Variants in IL10RB observed in about 807,000 individuals in gnomAD.
IL10RB encodes interleukin 10 receptor subunit beta, also known as interleukin-10 receptor subunit beta.
Under a neutral mutation model 38.7 loss-of-function variants are expected in IL10RB, and 30 were observed. The observed-to-expected ratio is 0.78, with a 90% CI of 0.58 to 1.05. The LOEUF is 1.05. Ranked by LOEUF, IL10RB falls within the 50% of genes least tolerant of loss-of-function variation. The pLI, the probability that IL10RB is intolerant of heterozygous loss-of-function variation, is 0.00. For synonymous variants in IL10RB, 142 were observed against 145.9 expected (o/e 0.97, Z 0.19); for missense variants, 328 against 397.1 (o/e 0.83, Z 1.48).
Position 33,268,398 on chromosome 21 carries a change from G to A in IL10RB, c.54G>A (p.Leu18=), listed in dbSNP as rs1336689090. 2 of 1,613,906 alleles carry A rather than the reference G, an allele frequency of 1.2e-6. No homozygotes were observed. Among genetic ancestry groups the A allele is most frequent in the Admixed American group, 1.7e-5 (1 of 60,030 alleles). Reference sequence around the variant, plus strand: ...GTTTTTGTCTTATTTTCATAGCATTGGGAATGGTACCACCTCCCGAAAATG... The same window carrying A: ...GTTTTTGTCTTATTTTCATAGCATTAGGAATGGTACCACCTCCCGAAAATG... The part of the protein sequence containing the change: ...WLGGCLLVSA[L]GMVPPPENVR... The change falls in exon 2 of 7, where the codon TTG becomes TTA. Residue 18 remains leucine, a synonymous_variant. Transcript: ENST00000290200.
intron 3 of IL10RB, among the ~76,000 whole-genome samples, chr21:33,277,849 T>G (rs1280884939): frequency 6.6e-6 from 1 of 150,778 alleles, no homozygotes; most frequent in African/African-American, 2.4e-5. Context: ...TTTTTTGTAT[T>G]TTTAGTAGAG....
At position 33,268,609 on chromosome 21, in the gene IL10RB, C is replaced by T; in HGVS notation, c.173+92C>T. 3.3e-6 allele frequency: 3 copies of T among 902,014 alleles called. No homozygotes were observed. In the East Asian group the frequency reaches 7.2e-5, roughly 22 times the overall value. The allele number at this position is 902,014 out of a possible 1,614,324, so 55.9% of individuals were successfully genotyped here. A position where few individuals can be genotyped will look rare whatever the true frequency, so the allele number is the denominator to read the frequency against. ...GGGCCACAGGAGGAAGGGAGTCTGA[C>T]TACGGTCACCGTGTGACTGTGACAA... On this transcript the variant is annotated intron_variant, in intron 2 of 6. Coordinates refer to ENST00000290200, the MANE Select transcript of IL10RB (RefSeq NM_000628.5).
At chr21:33,271,173 G>A (rs1989072590) in intron 2 of IL10RB, among the ~76,000 whole-genome samples, 1 of 152,126 alleles carries the variant, frequency 6.6e-6, no homozygotes, top group East Asian at 1.9e-4. Flanking sequence ...GTGTCCTTGG[G>A]GAAGATATTT....
intron 2 of IL10RB, among the ~76,000 whole-genome samples, chr21:33,269,175 A>T (rs1416857770): frequency 6.6e-6 from 1 of 152,210 alleles, no homozygotes; most frequent in Non-Finnish European, 1.5e-5. Flanking sequence ...GTGTCACCCT[A>T]GACGGTCATC....
chr21:33,306,833 T>C (rs887718116), intron 1 of IL10RB, among the ~76,000 whole-genome samples: 1 of 152,078 alleles, frequency 6.6e-6, no homozygotes, highest in East Asian at 1.9e-4. Context: ...CCCAACAACA[T>C]TGTTAGCTGT....
chr21:33,271,773 T>C (rs28385658), intron 2 of IL10RB, among the ~76,000 whole-genome samples: 11 of 151,992 alleles, frequency 7.2e-5, no homozygotes, highest in Non-Finnish European at 1.6e-4. Context: ...GCAAAACAAC[T>C]TTTGAAATAC....
chr21:33,272,907 G>C (rs1404891848), intron 2 of IL10RB, among the ~76,000 whole-genome samples: 1 of 152,196 alleles, frequency 6.6e-6, no homozygotes, highest in Non-Finnish European at 1.5e-5. Context: ...TTCACTTTCT[G>C]TCATGTTCCC....
chr21:33,266,754 G>A (rs1355787591), intron 1 of IL10RB, among the ~76,000 whole-genome samples: 2 of 152,162 alleles, frequency 1.3e-5, no homozygotes, highest in Admixed American at 6.5e-5. Context: ...CCTAAACTCA[G>A]GGGGAGACTC....
intron 5 of IL10RB, among the ~76,000 whole-genome samples, chr21:33,283,908 C>A (rs544355371): frequency 6.6e-6 from 1 of 152,282 alleles, no homozygotes; most frequent in African/African-American, 2.4e-5. Flanking sequence ...AAACAGCAGG[C>A]CTTCCTATAA....
At chr21:33,291,151 G>A (rs901941455) in intron 6 of IL10RB, among the ~76,000 whole-genome samples, 8 of 152,242 alleles carry the variant, frequency 5.3e-5, no homozygotes, top group East Asian at 1.9e-4. Flanking sequence ...CACCAGTCAC[G>A]GGAGGAGGGC....
In IL10RB at chr21:33,294,043, A is replaced by G. The variant is rs1272852771; in HGVS notation, c.805-2141A>G. On this transcript the variant is annotated intron_variant, in intron 6 of 6. Transcript: ENST00000290200. ...TGGTCAGACAGGAAAGAACAGACGG[A>G]ATGAACGGTAGAGGGGCCTGCTGGC... 1.3e-5 allele frequency: 6 copies of G among 471,026 alleles called. No individual in the cohort carries two copies. The Admixed American group carries it at 1.4e-4, about 11-fold the overall frequency. The allele number at this position is 471,026 out of a possible 1,614,324, so 29.2% of individuals were successfully genotyped here.
intron 5 of IL10RB, among the ~76,000 whole-genome samples, 191 bp downstream of exon 5, chr21:33,283,432 C>T (rs1989316404): frequency 6.6e-6 from 1 of 152,236 alleles, no homozygotes; most frequent in African/African-American, 2.4e-5. Flanking sequence ...AGCTCATTCA[C>T]TCTTAGATCA....
At chr21:33,289,626 G>T (rs946177027) in intron 6 of IL10RB, among the ~76,000 whole-genome samples, 14 of 152,140 alleles carry the variant, frequency 9.2e-5, no homozygotes, top group African/African-American at 3.4e-4. Context: ...AGTCCCAGGA[G>T]GTGCCCAGTG....
chr21:33,266,436 A>G lies in IL10RB; in HGVS notation c.-30A>G. The G allele has an allele frequency of 6.5e-7, 1 of 1,539,644 alleles. No individual in the cohort carries two copies. Among genetic ancestry groups the G allele is most frequent in the Non-Finnish European group, 8.7e-7 (1 of 1,146,110 alleles). On this transcript the variant is annotated 5_prime_UTR_variant, in exon 1 of 7. Transcript: ENST00000290200. ...GCGCGGGCGGGGGTCGTGTGCTTGGAGGAAGCCGCGGAACCCCCAGCGTCC... is the reference window on the plus strand; with the variant it reads ...GCGCGGGCGGGGGTCGTGTGCTTGGGGGAAGCCGCGGAACCCCCAGCGTCC...
chr21:33,268,210 T>TGCCCCTCCAGCC, intron 1 of IL10RB, 184 bp from the exon 2 acceptor site: 1 of 1,489,288 alleles, frequency 6.7e-7, no homozygotes, highest in East Asian at 2.5e-5. Context: ...CAGAAATTTC[T>TGCCCCTCCAGCC]CCTCACGGCT....
At chr21:33,266,548 A>C (rs1478458940) in intron 1 of IL10RB, 34 bp downstream of exon 1, 1 of 1,538,256 alleles carries the variant, frequency 6.5e-7, no homozygotes, top group African/African-American at 1.4e-5. Context: ...CGCGCTTGGG[A>C]ACCGGGAGGC....
intron 2 of IL10RB, among the ~76,000 whole-genome samples, chr21:33,272,209 T>C (rs1418609303): frequency 6.6e-6 from 1 of 152,230 alleles, no homozygotes; most frequent in Admixed American, 6.5e-5. Flanking sequence ...CTGTGAGATG[T>C]GATGTGCTAC....
intron 4 of IL10RB, among the ~76,000 whole-genome samples, chr21:33,280,619 AT>A (rs1989263043): frequency 6.6e-6 from 1 of 152,082 alleles, no homozygotes; most frequent in Admixed American, 6.5e-5. Flanking sequence ...TGTTAAGGTT[AT>A]TTTTATTCAT....
intron 2 of IL10RB, among the ~76,000 whole-genome samples, chr21:33,274,984 TTTAGAGTA>T (rs1487443408): frequency 6.6e-6 from 1 of 152,168 alleles, no homozygotes; most frequent in Non-Finnish European, 1.5e-5. Context: ...AAATCTGTTG[TTTAGAGTA>T]TCCACCTTCA....
Sources: gnomAD v4.1 joint callset for allele counts (sites outside exome capture counted in the v4.1 genomes callset) on GRCh38, gnomAD v4.1.1 for gene constraint, MANE v1.5 for transcripts, NCBI Gene and HGNC (gene_info 2026-07-23, HGNC 2026-07-21) for gene names.